Variants in STOML1 observed in about 807,000 individuals in gnomAD.
STOML1 encodes the protein stomatin like 1.
In STOML1, 27 loss-of-function variants were observed where a neutral mutation model predicts 35.7. The observed-to-expected ratio is 0.76, with a 90% CI of 0.56 to 1.04. The LOEUF is 1.04. Ranked by LOEUF, STOML1 falls within the 50% of genes least tolerant of loss-of-function variation. The pLI, the probability that STOML1 is intolerant of heterozygous loss-of-function variation, is 0.00. For synonymous variants in STOML1, 219 were observed against 227.9 expected (o/e 0.96, Z 0.35); for missense variants, 451 against 527.1 (o/e 0.86, Z 1.41).
Position 73,981,084 on chromosome 15 carries a change from G to C in STOML1, c.*2853C>G, listed in dbSNP as rs118116107. 7,420 of 146,344 alleles carry C rather than the reference G, an allele frequency of 0.051. 246 individuals carry two copies. Among genetic ancestry groups the C allele is most frequent in the East Asian group, 0.19 (942 of 4,882 alleles). 9.1% of individuals were successfully genotyped at this position (146,344 alleles called of 1,614,324 possible). A position where few individuals can be genotyped will look rare whatever the true frequency, so the allele number is the denominator to read the frequency against. ...AATGCTTAAAAATAAGGCCAGGTGC[G>C]GTGGCTCACACCTATAATCCCAGCA... On this transcript the variant is annotated 3_prime_UTR_variant, in exon 7 of 7. Coordinates refer to ENST00000541638, the MANE Select transcript of STOML1 (RefSeq NM_004809.5).
At chr15:73,994,129 G>A (rs2069365779), upstream of STOML1, among the ~76,000 whole-genome samples, 1 of 152,136 alleles carries the variant, frequency 6.6e-6, no homozygotes, top group South Asian at 2.1e-4. Context: ...CACAGAACTG[G>A]TTCAATCTCC....
Position 73,984,887 on chromosome 15 carries a change from A to C in STOML1, c.791-16T>G, listed in dbSNP as rs373670055. ...ACGGTGTCTGCTGGGGGTGGCCAAC[A>C]GGGTTGGGGAAGGAGGCAGAGAGGA... On this transcript the variant is annotated splice_polypyrimidine_tract_variant and intron_variant, in intron 5 of 6. Transcript: ENST00000541638. 2.7e-5 allele frequency: 43 copies of C among 1,613,286 alleles called. 1 individual carries two copies. The highest frequency in any genetic ancestry group is 3.4e-6 in the Non-Finnish European group (4 of 1,179,926).
chr15:73,991,101 G>T, intron 1 of STOML1: 1 of 696,994 alleles, frequency 1.4e-6, no homozygotes, highest in Non-Finnish European at 1.8e-6. Context: ...CTGGGGGACA[G>T]AGCGAGACTC....
In STOML1 at chr15:73,979,955, T is replaced by C. The variant is rs2068943791; in HGVS notation, c.*3982A>G. On this transcript the variant is annotated 3_prime_UTR_variant, in exon 7 of 7. Coordinates refer to ENST00000541638, the MANE Select transcript of STOML1 (RefSeq NM_004809.5). Reference sequence around the variant, plus strand: ...AAAAAAAGCCAGGCATGGTGATCCTTTAAGCCTGGGAGGTTGAGGCTGCAG... The same window carrying C: ...AAAAAAAGCCAGGCATGGTGATCCTCTAAGCCTGGGAGGTTGAGGCTGCAG... 6.7e-6 allele frequency: 1 copy of C among 148,788 alleles called. No homozygotes were observed. Among genetic ancestry groups the C allele is most frequent in the South Asian group, 2.1e-4 (1 of 4,772 alleles). The allele number at this position is 148,788 out of a possible 1,614,324, so 9.2% of individuals were successfully genotyped here. A position where few individuals can be genotyped will look rare whatever the true frequency, so the allele number is the denominator to read the frequency against.
At chr15:73,989,352 C>A in intron 2 of STOML1, 95 bp from the exon 3 acceptor site, 1 of 1,364,246 alleles carries the variant, frequency 7.3e-7, no homozygotes, top group East Asian at 2.5e-5. Flanking sequence ...CTCCTCCTCA[C>A]CTGGGTCACA....
rs961581948 is a variant in STOML1, at chr15:73,990,977, C to T, written c.134-520G>A. 2.0e-5 allele frequency: 29 copies of T among 1,439,270 alleles called. No homozygotes were observed. The South Asian group carries it at 2.2e-4, about 11-fold the overall frequency. The allele number at this position is 1,439,270 out of a possible 1,614,324, so 89.2% of individuals were successfully genotyped here. A position where few individuals can be genotyped will look rare whatever the true frequency, so the allele number is the denominator to read the frequency against. ...GGATAAATCATAAATAGCTTATCAA[C>T]GGGAGCCACAGATGAGGAATTAGAT... On this transcript the variant is annotated intron_variant, in intron 1 of 6. Coordinates refer to ENST00000541638, the MANE Select transcript of STOML1 (RefSeq NM_004809.5).
upstream of STOML1, chr15:73,994,609 G>C: frequency 1.6e-6 from 1 of 624,422 alleles, no homozygotes. Context: ...CTCTGGGCGT[G>C]TCTTTAAAAC....
At chr15:73,991,195 G>A (rs186471238) in intron 1 of STOML1, among the ~76,000 whole-genome samples, 2 of 152,254 alleles carry the variant, frequency 1.3e-5, no homozygotes, top group East Asian at 1.9e-4. Context: ...GTTAGGGGTC[G>A]GGGTCAGGGG....
At chr15:73,985,128 T>C (rs1475104839) in intron 5 of STOML1, among the ~76,000 whole-genome samples, 190 bp downstream of exon 5, 1 of 152,212 alleles carries the variant, frequency 6.6e-6, no homozygotes, top group Admixed American at 6.5e-5. Flanking sequence ...TGTCGCCTCC[T>C]CCCATGGAGG....
intron 4 of STOML1, chr15:73,985,819 C>G: frequency 2.9e-6 from 1 of 341,984 alleles, no homozygotes; most frequent in Non-Finnish European, 5.3e-6. Flanking sequence ...GAAAACCTGG[C>G]ATGTTCGTGG....
rs994865125 is a variant in STOML1, at chr15:73,992,282, C to G, written c.-59G>C. ...CGCGGCGCCCTCCCTGGCCAGTGGG[C>G]CCTACGCGGCCCCGCCCTCCTGGCT... On this transcript the variant is annotated 5_prime_UTR_variant, in exon 1 of 7. Transcript: ENST00000541638. 51 of 1,517,470 alleles carry G rather than the reference C, an allele frequency of 3.4e-5. No individual in the cohort carries two copies. The highest frequency in any genetic ancestry group is 4.1e-5 in the Non-Finnish European group (47 of 1,143,100). 94.0% of individuals were successfully genotyped at this position (1,517,470 alleles called of 1,614,324 possible).
In STOML1 at chr15:73,984,690, G is replaced by C; in HGVS notation, c.972C>G (p.Thr324=). The C allele has an allele frequency of 6.2e-7, 1 of 1,614,150 alleles. No individual in the cohort carries two copies. Among genetic ancestry groups the C allele is most frequent in the Non-Finnish European group, 8.5e-7 (1 of 1,180,028 alleles). ...YQFNVVLPSG[T]QSAYFLDLTT... is the part of the protein sequence containing the mutation. The stretch of plus-strand genomic sequence containing the variant: ...TGAGGTCCAGGAAGTAGGCGCTTTG[G>C]GTGCCGCTGGGCAGGACGACATTGA... Residue 324 remains threonine (T), a synonymous_variant, in exon 6 of 7, where the codon ACC becomes ACG. Coordinates refer to ENST00000541638, the MANE Select transcript of STOML1 (RefSeq NM_004809.5).
Position 73,985,446 on chromosome 15 carries a change from GC to G in STOML1, c.661del (p.Ala221ProfsTer31), listed in dbSNP as rs765307910. 6.5e-7 allele frequency: 1 copy of G among 1,548,034 alleles called. No individual in the cohort carries two copies. The highest frequency in any genetic ancestry group is 2.5e-5 in the East Asian group (1 of 40,316). ...GCTGTCCTGGGGCGGCTGGAGCACG[GC>G]CTCCACTGCCAGCTCCACGCGGTCT... is the stretch of plus-strand genomic sequence containing the variant. ...EVDRVELAVEAVLQPPQDSPA... is the reference protein window; with the variant it reads ...EVDRVELAVEXVLQPPQDSPA... On this transcript the variant is annotated frameshift_variant, in exon 5 of 7. Transcript: ENST00000541638. LOFTEE classifies it high-confidence loss of function.
rs927988986 is a variant in STOML1 at position 73,985,771 on chromosome 15, TC to T, written c.595-259del. On this transcript the variant is annotated intron_variant, in intron 4 of 6. Transcript: ENST00000541638. ...GAGTCCTCAGGTGGAGGAGGACCCT[TC>T]CAGCAACAGGAACAGCATGTGCAAA... The T allele has an allele frequency of 3.7e-4, 171 of 459,090 alleles. 2 individuals carry two copies. Among genetic ancestry groups the T allele is most frequent in the Non-Finnish European group, 6.9e-5 (18 of 262,044 alleles). 28.4% of individuals were successfully genotyped at this position (459,090 alleles called of 1,614,324 possible).
chr15:73,992,115 G>A lies in STOML1; in HGVS notation c.109C>T (p.Arg37Trp). The A allele has an allele frequency of 6.2e-7, 1 of 1,601,514 alleles. No homozygotes were observed. Residue 37 changes from arginine (R) to tryptophan (W), a missense_variant, in exon 1 of 7, where the codon CGG (arginine) becomes TGG (tryptophan). Arg to Trp is a moderately radical substitution (Grantham distance 101, BLOSUM62 -3). Transcript: ENST00000541638. ...CCGGCCCCTGTCCCCACGCCGCCCC[G>A]CTCCGGGGACAAGCAGCCCTTCTGC... ...GSQKGCLSPE[R>W]GGVGTGADVP...
intron 1 of STOML1, chr15:73,991,688 T>G: frequency 8.5e-6 from 4 of 471,574 alleles, no homozygotes; most frequent in Non-Finnish European, 1.3e-5. Flanking sequence ...AGGTGCCCCC[T>G]AGGGCGAAAA....
rs776172236 is a variant in STOML1, at chr15:73,989,256, A to G, written c.242T>C (p.Ile81Thr). The change falls in exon 3 of 7, where the codon ATT becomes ACT. Residue 81 changes from isoleucine (I) to threonine (T), a missense_variant and splice_region_variant. Coordinates refer to ENST00000541638, the MANE Select transcript of STOML1 (RefSeq NM_004809.5). ...AATCATCCGCTCGTAGGTGGGCACAATCTGTCCACAATGGCAAGGGAAAGA... is the reference window on the plus strand; with the variant it reads ...AATCATCCGCTCGTAGGTGGGCACAGTCTGTCCACAATGGCAAGGGAAAGA... ...FPISGWFALK[I>T]VPTYERMIVF... 1.9e-6 allele frequency: 3 copies of G among 1,591,980 alleles called. No homozygotes were observed. The highest frequency in any genetic ancestry group is 1.7e-4 in the Middle Eastern group (1 of 5,942).
At chr15:73,993,602 AC>A, upstream of STOML1, among the ~76,000 whole-genome samples, 1 of 151,932 alleles carries the variant, frequency 6.6e-6, no homozygotes, top group African/African-American at 2.4e-5. Flanking sequence ...CCTGCTCTCC[AC>A]CCTGCAGACT....
rs2069289005 is a variant in STOML1, at chr15:73,991,924, A to G, written c.133+167T>C. On this transcript the variant is annotated intron_variant, in intron 1 of 6. Transcript: ENST00000541638. Reference sequence around the variant, plus strand: ...ACCCTAGGGAGGGCGGATCGGCGCTAGCACCAGGCGCCGGGTCCAGCCCCC... The same window carrying G: ...ACCCTAGGGAGGGCGGATCGGCGCTGGCACCAGGCGCCGGGTCCAGCCCCC... 3.7e-6 allele frequency: 4 copies of G among 1,094,106 alleles called. No homozygotes were observed. In the East Asian group the frequency reaches 1.0e-4, roughly 28 times the overall value. The allele number at this position is 1,094,106 out of a possible 1,614,324, so 67.8% of individuals were successfully genotyped here.
Sources: allele counts gnomAD v4.1 joint callset (sites outside exome capture counted in the v4.1 genomes callset), GRCh38; gene constraint gnomAD v4.1.1; transcripts MANE v1.5; gene names NCBI Gene and HGNC (gene_info 2026-07-23, HGNC 2026-07-21).